The following DGKI variants were observed in gnomAD, a reference collection of about 807,000 sequenced individuals.
DGKI encodes the protein diacylglycerol kinase iota, also known as DAG kinase iota.
A neutral mutation model predicts 147.5 loss-of-function variants in DGKI; 55 were observed. The observed-to-expected ratio is 0.37, with a 90% CI of 0.30 to 0.47. DGKI has a LOEUF of 0.47. DGKI is among the 20% of genes least tolerant of loss of function. The probability of loss-of-function intolerance (pLI) is 1.00; values close to 1 mark genes in which losing one functional copy is unlikely to be tolerated. For synonymous variants in DGKI, 469 were observed against 477.1 expected (o/e 0.98, Z 0.22); for missense variants, 1,007 against 1,323.8 (o/e 0.76, Z 3.71).
At chr7:137,577,357 T>TTGGAATCTAGGATATGG in intron 16 of DGKI, 73 bp from the exon 17 acceptor site, 1 of 1,087,156 alleles carries the variant, frequency 9.2e-7, no homozygotes, top group Non-Finnish European at 1.4e-6. Context: ...TTCCATATCC[T>TTGGAATCTAGGATATGG]AGATTCCAAG....
At chr7:137,433,895 A>T (rs1466634075) in intron 28 of DGKI, among the ~76,000 whole-genome samples, 2 of 152,126 alleles carry the variant, frequency 1.3e-5, no homozygotes, top group African/African-American at 4.8e-5. Context: ...AGGCGGGTGG[A>T]TCACATGAGG....
At chr7:137,665,913 T>C (rs984118161) in intron 3 of DGKI, among the ~76,000 whole-genome samples, 1 of 152,216 alleles carries the variant, frequency 6.6e-6, no homozygotes, top group East Asian at 1.9e-4. Context: ...TTCCTCTTCC[T>C]GAGAAGCAGC....
chr7:137,647,839 A>G (rs987577405), intron 5 of DGKI, among the ~76,000 whole-genome samples: 2 of 152,210 alleles, frequency 1.3e-5, no homozygotes, highest in African/African-American at 2.4e-5. Context: ...GCATATCCCA[A>G]TTCGCATTAC....
At chr7:137,824,957 C>G (rs1161826964) in intron 1 of DGKI, among the ~76,000 whole-genome samples, 2 of 152,168 alleles carry the variant, frequency 1.3e-5, no homozygotes, top group African/African-American at 4.8e-5. Flanking sequence ...TCCAGTCTAT[C>G]ATTTATGGGG....
rs145666245 is a variant in DGKI at position 137,587,846 on chromosome 7, T to C, written c.1312-636A>G. Among the ~76,000 whole-genome samples, 809 of 152,332 alleles carry C rather than the reference T, an allele frequency of 5.3e-3. 8 individuals carry two copies. Among genetic ancestry groups the C allele is most frequent in the South Asian group, 0.012 (60 of 4,828 alleles). On this transcript the variant is annotated intron_variant, in intron 12 of 32. Transcript: ENST00000614521. ...ATGAAAACATAATTATGGACAGACC[T>C]AGTACCTATTATAAGTTTAGGCAGG...
intron 2 of DGKI, 139 bp from the exon 3 acceptor site, chr7:137,678,791 T>G (rs1005764708): frequency 8.4e-6 from 6 of 715,816 alleles, no homozygotes; most frequent in Admixed American, 2.7e-5. Context: ...CTAAAAGTAC[T>G]GCTAGAGTTG....
At chr7:137,528,724 A>T (rs984033526) in intron 20 of DGKI, among the ~76,000 whole-genome samples, 1 of 152,108 alleles carries the variant, frequency 6.6e-6, no homozygotes, top group African/African-American at 2.4e-5. Flanking sequence ...CTAATTCTAT[A>T]CGCCCCTATG....
At chr7:137,392,444 T>A (rs554520347) in intron 32 of DGKI, among the ~76,000 whole-genome samples, 1 of 152,280 alleles carries the variant, frequency 6.6e-6, no homozygotes, top group South Asian at 2.1e-4. Flanking sequence ...TTGTACCAAA[T>A]AAATAGCTCC....
intron 20 of DGKI, among the ~76,000 whole-genome samples, chr7:137,544,658 C>T (rs958522813): frequency 2.0e-5 from 3 of 152,050 alleles, no homozygotes; most frequent in Non-Finnish European, 4.4e-5. Flanking sequence ...TTGTGCAATT[C>T]TATTTAGACA....
intron 1 of DGKI, among the ~76,000 whole-genome samples, chr7:137,737,752 G>A (rs1181291081): frequency 6.6e-6 from 1 of 152,026 alleles, no homozygotes; most frequent in East Asian, 1.9e-4. Context: ...TCATATAAAA[G>A]CAAATCAATC....
intron 1 of DGKI, among the ~76,000 whole-genome samples, chr7:137,820,203 C>T (rs1331817350): frequency 2.0e-5 from 3 of 152,114 alleles, no homozygotes; most frequent in Admixed American, 6.5e-5. Context: ...ATGAAGGATG[C>T]TAAAGTCAGA....
chr7:137,722,782 C>T, intron 1 of DGKI: 1 of 1,381,504 alleles, frequency 7.2e-7, no homozygotes, highest in South Asian at 1.2e-5. Context: ...AGCTATTCCT[C>T]AGCTCCAGGG....
intron 1 of DGKI, among the ~76,000 whole-genome samples, chr7:137,751,354 A>G (rs1795484866): frequency 6.6e-6 from 1 of 152,202 alleles, no homozygotes; most frequent in Admixed American, 6.5e-5. Context: ...GATTCCTCCT[A>G]TTGGGCAGTT....
At chr7:137,618,498 A>T (rs1820629147) in intron 8 of DGKI, among the ~76,000 whole-genome samples, 1 of 151,882 alleles carries the variant, frequency 6.6e-6, no homozygotes, top group South Asian at 2.1e-4. Context: ...AAGACTCTTA[A>T]GAGTAAGGAT....
chr7:137,750,660 C>T (rs1204111959), intron 1 of DGKI, among the ~76,000 whole-genome samples: 1 of 152,120 alleles, frequency 6.6e-6, no homozygotes, highest in African/African-American at 2.4e-5. Flanking sequence ...AGTGGAATGC[C>T]CTAGCCCAGC....
chr7:137,623,472 C>G lies in DGKI; in HGVS notation c.876+11G>C, dbSNP rs781207997. On this transcript the variant is annotated intron_variant, in intron 7 of 32. Transcript: ENST00000614521. ...ATGAGCCCACATTGCTTTATTTCATCCCAATCTTACCGCCTGCTTGCACCA... is the reference window on the plus strand; with the variant it reads ...ATGAGCCCACATTGCTTTATTTCATGCCAATCTTACCGCCTGCTTGCACCA... The G allele has an allele frequency of 6.2e-7, 1 of 1,612,968 alleles. No individual in the cohort carries two copies. Among genetic ancestry groups the G allele is most frequent in the African/African-American group, 1.3e-5 (1 of 75,036 alleles).
intron 1 of DGKI, among the ~76,000 whole-genome samples, chr7:137,778,736 T>C (rs1796437060): frequency 6.6e-6 from 1 of 152,178 alleles, no homozygotes; most frequent in African/African-American, 2.4e-5. Flanking sequence ...CACTCCCAAT[T>C]TGCACATAGC....
chr7:137,664,307 G>A (rs1430353911), intron 3 of DGKI, among the ~76,000 whole-genome samples: 1 of 150,868 alleles, frequency 6.6e-6, no homozygotes, highest in African/African-American at 2.5e-5. Context: ...GAACCTGGGA[G>A]GTGGAGGTTG....
At chr7:137,693,910 G>T (rs1367222622) in intron 1 of DGKI, among the ~76,000 whole-genome samples, 1 of 152,194 alleles carries the variant, frequency 6.6e-6, no homozygotes, top group Non-Finnish European at 1.5e-5. Flanking sequence ...GCTTTGTGTG[G>T]TCAACATTAA....
Sources: gnomAD v4.1 joint callset for allele counts (sites outside exome capture counted in the v4.1 genomes callset) on GRCh38, gnomAD v4.1.1 for gene constraint, MANE v1.5 for transcripts, NCBI Gene and HGNC (gene_info 2026-07-23, HGNC 2026-07-21) for gene names.